CUL4B: variants seen among roughly 807,000 people sequenced by gnomAD.
CUL4B encodes the protein cullin-4B.
Under a neutral mutation model 69.2 loss-of-function variants are expected in CUL4B, and 1 was observed. The ratio of observed to expected loss-of-function variants is 0.01; its 90% CI spans 0.01 to 0.07. CUL4B has a LOEUF of 0.07. CUL4B is among the 10% of genes least tolerant of loss of function. The pLI, the probability that CUL4B is intolerant of heterozygous loss-of-function variation, is 1.00. For synonymous variants in CUL4B, 237 were observed against 223.2 expected, an observed-to-expected ratio of 1.06 and a Z score of -0.55; for missense variants, 328 against 638.8, an observed-to-expected ratio of 0.51 and a Z score of 5.24.
chrX:120,532,581 T>C lies in CUL4B; in HGVS notation c.2280A>G (p.Leu760=), dbSNP rs776835850. 3 of 1,207,725 alleles carry C rather than the reference T, an allele frequency of 2.5e-6. No homozygotes were observed. In the African/African-American group the frequency reaches 5.2e-5, roughly 21 times the overall value. Residue 760 remains leucine, a synonymous_variant, in exon 18 of 20, where the codon TTA becomes TTG. Transcript: ENST00000371322. ...AGGCTAATGACTGCAGTGTTCTCCTTAACTCTCCATCCTCTGAAGAAGAAA... is the reference window on the plus strand; with the variant it reads ...AGGCTAATGACTGCAGTGTTCTCCTCAACTCTCCATCCTCTGAAGAAGAAA... The part of the protein sequence containing the change: ...KQATGIEDGE[L]RRTLQSLACG...
chrX:120,563,421 GAGTC>G (rs1259865225), upstream of CUL4B, among the ~76,000 whole-genome samples: 1 of 110,848 alleles, frequency 9.0e-6, no homozygotes, highest in Non-Finnish European at 1.9e-5. Flanking sequence ...ATTTTTAGTA[GAGTC>G]AGGGTTTTGC....
chrX:120,555,803 G>A (rs186643274), intron 2 of CUL4B, among the ~76,000 whole-genome samples: 2 of 108,860 alleles, frequency 1.8e-5, no homozygotes, highest in Admixed American at 9.9e-5. Context: ...CTAGCAGGGC[G>A]TGGTGGCAGG....
At chrX:120,566,634 T>A (rs1418585020), downstream of CUL4B, among the ~76,000 whole-genome samples, 2 of 107,760 alleles carry the variant, frequency 1.9e-5, no homozygotes, top group East Asian at 5.9e-4. Flanking sequence ...CAACCTCAGG[T>A]GATCTGCCTG....
intron 2 of CUL4B, among the ~76,000 whole-genome samples, chrX:120,555,814 C>T (rs912501093): frequency 3.7e-5 from 4 of 108,138 alleles, no homozygotes; most frequent in Admixed American, 2.0e-4. Flanking sequence ...TGGTGGCAGG[C>T]GCCTGTAATT....
intron 17 of CUL4B, among the ~76,000 whole-genome samples, chrX:120,533,248 T>C (rs1923434808): frequency 8.9e-6 from 1 of 112,249 alleles, no homozygotes; most frequent in Non-Finnish European, 1.9e-5. Flanking sequence ...TTCTACTTTA[T>C]GCCTGAATCA....
upstream of CUL4B, among the ~76,000 whole-genome samples, chrX:120,565,354 AAAC>A (rs1238520038): frequency 9.2e-6 from 1 of 108,842 alleles, no homozygotes; most frequent in Non-Finnish European, 1.9e-5. Flanking sequence ...AAAAAAACAC[AAAC>A]AACAACAAAA....
chrX:120,531,533 C>T (rs1296516368), intron 18 of CUL4B, among the ~76,000 whole-genome samples: 2 of 106,711 alleles, frequency 1.9e-5, no homozygotes, highest in Non-Finnish European at 3.9e-5. Context: ...GATCTCAGCT[C>T]ACTGCAACCT....
chrX:120,542,344 A>G (rs1256134077), intron 9 of CUL4B, among the ~76,000 whole-genome samples: 1 of 111,843 alleles, frequency 8.9e-6, no homozygotes, highest in East Asian at 2.8e-4. Flanking sequence ...GATTTCCAGG[A>G]TGAAATAACA....
At position 120,538,350 on chromosome X, in the gene CUL4B, C is replaced by A. The variant is rs769133141; in HGVS notation, c.1853-141G>T. The A allele has an allele frequency of 7.4e-5, 33 of 444,259 alleles. No individual in the cohort carries two copies. The East Asian group carries it at 1.2e-3, about 17-fold the overall frequency. The allele number at this position is 444,259 out of a possible 1,213,427, so 36.6% of individuals were successfully genotyped here. A position where few individuals can be genotyped will look rare whatever the true frequency, so the allele number is the denominator to read the frequency against. ...TAAGAATAAAAAGAAATCCTTACCCCAAAGTGTATGCCCCATTAATTCAGA... is the reference window on the plus strand; with the variant it reads ...TAAGAATAAAAAGAAATCCTTACCCAAAAGTGTATGCCCCATTAATTCAGA... On this transcript the variant is annotated intron_variant, in intron 13 of 19. Transcript: ENST00000371322.
At chrX:120,570,272 CTT>C (rs1238180140), downstream of CUL4B, among the ~76,000 whole-genome samples, 1 of 111,817 alleles carries the variant, frequency 8.9e-6, no homozygotes, top group African/African-American at 3.3e-5. Flanking sequence ...CAAGGGCAGA[CTT>C]GATAATAAGA....
chrX:120,528,863 T>C (rs1923153795), intron 19 of CUL4B, among the ~76,000 whole-genome samples: 1 of 112,358 alleles, frequency 8.9e-6, no homozygotes. Flanking sequence ...AGCTTTATCT[T>C]CATGATTGCA....
Position 120,528,446 on chromosome X carries a change from A to C in CUL4B, c.2593-1590T>G, listed in dbSNP as rs184725708. ...AAATCACTATTTAAAAGAATACTGG[A>C]CAGGTGCAGTGGCTCATGCCTGTAA... On this transcript the variant is annotated intron_variant, in intron 19 of 19. Coordinates refer to ENST00000371322, the MANE Select transcript of CUL4B (RefSeq NM_001079872.2). Among the ~76,000 whole-genome samples the C allele has an allele frequency of 3.6e-3, 348 of 95,592 alleles. 1 individual carries two copies. The highest frequency in any genetic ancestry group is 0.013 in the African/African-American group (336 of 25,289). The allele number at this position is 95,592 out of a possible 115,157, so 83.0% of individuals were successfully genotyped here. A position where few individuals can be genotyped will look rare whatever the true frequency, so the allele number is the denominator to read the frequency against.
intron 1 of CUL4B, among the ~76,000 whole-genome samples, chrX:120,558,572 C>G (rs1220678549): frequency 8.9e-6 from 1 of 111,845 alleles, no homozygotes; most frequent in Admixed American, 9.5e-5. Flanking sequence ...GTCTGTTTGA[C>G]CCCCACATTT....
At chrX:120,556,161 T>A (rs1924951175) in intron 2 of CUL4B, among the ~76,000 whole-genome samples, 1 of 111,154 alleles carries the variant, frequency 9.0e-6, no homozygotes, top group African/African-American at 3.3e-5. Flanking sequence ...GAGACGCATA[T>A]ATAATACGCC....
upstream of CUL4B, chrX:120,561,196 GGGGGCGGCTGGAAA>G (rs1925285205): frequency 3.1e-6 from 2 of 643,254 alleles, no homozygotes; most frequent in Non-Finnish European, 4.7e-6. Flanking sequence ...TCGCGCGTGA[GGGGGCGGCTGGAAA>G]GGGGCGGCTA....
In CUL4B at chrX:120,542,981, C is replaced by T. The variant is rs757649304; in HGVS notation, c.1309G>A (p.Ala437Thr). ...TGCCAATTACCTTTCTGAAGAATTG[C>T]TGTTAAGTGTTCACCTAGAAGTTGT... ...EKQLLGEHLTAILQKGLNNLL... is the reference protein window; with the variant it reads ...EKQLLGEHLTTILQKGLNNLL... The change falls in exon 9 of 20, where the codon GCA becomes ACA. Residue 437 changes from alanine to threonine, a missense_variant. By Grantham distance (58) the Ala-to-Thr change is moderately conservative (BLOSUM62 0). Transcript: ENST00000371322. 4 of 1,196,626 alleles carry T rather than the reference C, an allele frequency of 3.3e-6. No homozygotes were observed. Among genetic ancestry groups the T allele is most frequent in the Admixed American group, 4.4e-5 (2 of 45,706 alleles).
rs189829130 is a variant in CUL4B at position 120,533,544 on chromosome X, C to A, written c.2266+937G>T. On this transcript the variant is annotated intron_variant, in intron 17 of 19. Transcript: ENST00000371322. Reference sequence around the variant, plus strand: ...CTATACTGTGCCCATTCCTACCTCCCAACCTCATCTCAAAATATTTCCCCT... The same window carrying A: ...CTATACTGTGCCCATTCCTACCTCCAAACCTCATCTCAAAATATTTCCCCT... Among the ~76,000 whole-genome samples the A allele has an allele frequency of 3.3e-3, 363 of 111,372 alleles. 1 individual carries two copies. The highest frequency in any genetic ancestry group is 0.011 in the African/African-American group (351 of 30,637).
chrX:120,566,365 A>G (rs751075437), upstream of CUL4B, among the ~76,000 whole-genome samples: 19 of 58,767 alleles, frequency 3.2e-4, 1 homozygote, highest in African/African-American at 6.3e-4. Context: ...ATATATATAT[A>G]TATATATATA....
At position 120,535,704 on chromosome X, in the gene CUL4B, C is replaced by CAAAAAAAAAAAAAAAAAAAA. The variant is rs71820203; in HGVS notation, c.2160+106_2160+125dup. ...CTGGTGACAGAGTGAGACTCTGTCT[C>CAAAAAAAAAAAAAAAAAAAA]AAAAAAAAAAAAAAAAAAAAAAAAG... is the stretch of plus-strand genomic sequence containing the variant. On this transcript the variant is annotated intron_variant, in intron 16 of 19. Transcript: ENST00000371322. 29 of 189,684 alleles carry CAAAAAAAAAAAAAAAAAAAA rather than the reference C, an allele frequency of 1.5e-4. 1 individual carries two copies. Among genetic ancestry groups the CAAAAAAAAAAAAAAAAAAAA allele is most frequent in the East Asian group, 8.0e-4 (7 of 8,705 alleles). 15.6% of individuals were successfully genotyped at this position (189,684 alleles called of 1,213,427 possible).
Sources: allele counts gnomAD v4.1 joint callset (sites outside exome capture counted in the v4.1 genomes callset), GRCh38; gene constraint gnomAD v4.1.1; transcripts MANE v1.5; gene names NCBI Gene and HGNC (gene_info 2026-07-23, HGNC 2026-07-21).